The following SEMA3D variants were observed in gnomAD, a reference collection of about 807,000 sequenced individuals.
The protein encoded by SEMA3D is semaphorin-3D.
SEMA3D carries 84 observed loss-of-function variants against 100.1 expected under a neutral mutation model. The observed-to-expected ratio is 0.84, with a 90% CI of 0.70 to 1.01. SEMA3D has a LOEUF of 1.01. Among genes scored for constraint, SEMA3D ranks in the 50% least tolerant of loss-of-function variants. The pLI, the probability that SEMA3D is intolerant of heterozygous loss-of-function variation, is 0.00. For missense variants in SEMA3D, 875 were observed against 934.1 expected (o/e 0.94, Z 0.82); for synonymous variants, 312 against 320.7 (o/e 0.97, Z 0.29).
chr7:85,140,566 C>T lies in SEMA3D; in HGVS notation c.-41+13042G>A, dbSNP rs974802180. 1.1e-5 allele frequency: 11 copies of T among 974,060 alleles called. No homozygotes were observed. In the African/African-American group the frequency reaches 1.9e-4, roughly 17 times the overall value. The allele number at this position is 974,060 out of a possible 1,614,324, so 60.3% of individuals were successfully genotyped here. On this transcript the variant is annotated intron_variant, in intron 2 of 18. Coordinates refer to ENST00000284136, the MANE Select transcript of SEMA3D (RefSeq NM_001384900.1). ...CAAATTTCTGTCCAACATTTTATAG[C>T]AGAGTTTTATCTATATCTATATCTA...
chr7:85,018,292 T>G lies in SEMA3D; in HGVS notation c.1505A>C (p.His502Pro). The G allele has an allele frequency of 6.3e-7, 1 of 1,586,796 alleles. No homozygotes were observed. The highest frequency in any genetic ancestry group is 8.6e-7 in the Non-Finnish European group (1 of 1,156,792). ...VVLEELQIFK[H>P]SSIILNMELS... is the part of the protein sequence containing the mutation. ...TTCCATGTTCAAGATGATTGATGAG[T>G]GCTGAAAATAGAAGTTAAATGTCAA... Residue 502 changes from histidine (H) to proline (P), a missense_variant and splice_region_variant, in exon 15 of 19, where the codon CAC becomes CCC. Coordinates refer to ENST00000284136, the MANE Select transcript of SEMA3D (RefSeq NM_001384900.1).
rs370505818 is a variant in SEMA3D at position 85,087,382 on chromosome 7, A to G, written c.313-5803T>C. Among the ~76,000 whole-genome samples, 14 of 152,344 alleles carry G rather than the reference A, an allele frequency of 9.2e-5. No homozygotes were observed. The East Asian group carries it at 2.1e-3, about 23-fold the overall frequency. ...TGGTCTTTGGGACCTTAGAGCCTTG[A>G]TATCAAGGACTGCAAATATGCAGAG... On this transcript the variant is annotated intron_variant, in intron 4 of 18. Coordinates refer to ENST00000284136, the MANE Select transcript of SEMA3D (RefSeq NM_001384900.1).
the SEMA3D span, among the ~76,000 whole-genome samples, chr7:85,245,504 G>C: frequency 6.6e-6 from 1 of 152,122 alleles, no homozygotes. Flanking sequence ...ACTTTCCTCA[G>C]TAACATATCT....
chr7:85,103,358 A>T lies in SEMA3D; in HGVS notation c.152-5393T>A, dbSNP rs548463902. On this transcript the variant is annotated intron_variant, in intron 3 of 18. Coordinates refer to ENST00000284136, the MANE Select transcript of SEMA3D (RefSeq NM_001384900.1). ...TTGGCAATACACTTCAGAGCTTTTTAAAAAAAATTCTAAACTGGAAATTCT... is the reference window on the plus strand; with the variant it reads ...TTGGCAATACACTTCAGAGCTTTTTTAAAAAAATTCTAAACTGGAAATTCT... Among the ~76,000 whole-genome samples, 312 of 152,060 alleles carry T rather than the reference A, an allele frequency of 2.1e-3. 1 individual carries two copies. The highest frequency in any genetic ancestry group is 4.6e-3 in the African/African-American group (191 of 41,510).
the SEMA3D span, among the ~76,000 whole-genome samples, chr7:85,249,374 G>T: frequency 4.8e-4 from 73 of 152,254 alleles, 1 homozygote; most frequent in Non-Finnish European, 8.2e-4. Flanking sequence ...AGGTAATATG[G>T]TATCATGCAT....
At chr7:85,029,673 C>A in intron 12 of SEMA3D, 1 of 394,662 alleles carries the variant, frequency 2.5e-6, no homozygotes. Flanking sequence ...TTTTCAGGGC[C>A]CACCACTGAA....
chr7:85,101,872 G>A (rs1046808013), intron 3 of SEMA3D, among the ~76,000 whole-genome samples: 1 of 151,864 alleles, frequency 6.6e-6, no homozygotes, highest in African/African-American at 2.4e-5. Flanking sequence ...TATTTAAAAA[G>A]CATGTATCTT....
At chr7:85,203,796 G>C in the SEMA3D span, among the ~76,000 whole-genome samples, 1 of 151,686 alleles carries the variant, frequency 6.6e-6, no homozygotes, top group South Asian at 2.1e-4. Context: ...TTGAGCTAGA[G>C]AAATACAGGG....
the SEMA3D span, among the ~76,000 whole-genome samples, chr7:85,221,437 T>G: frequency 6.6e-6 from 1 of 152,146 alleles, no homozygotes; most frequent in African/African-American, 2.4e-5. Flanking sequence ...TACTGACCAG[T>G]GTTCAAATCC....
Position 85,055,815 on chromosome 7 carries a change from G to C in SEMA3D, c.763C>G (p.Pro255Ala). 1.3e-6 allele frequency: 2 copies of C among 1,575,996 alleles called. No homozygotes were observed. Among genetic ancestry groups the C allele is most frequent in the Non-Finnish European group, 1.7e-6 (2 of 1,150,020 alleles). ...GTFFIPDTYNPDDDKIYFFFR... is the reference protein window; with the variant it reads ...GTFFIPDTYNADDDKIYFFFR... ...AAGAAATATATTTTATCATCATCTGGATTGTAGGTGTCTGGTATGAAGAAA... is the reference window on the plus strand; with the variant it reads ...AAGAAATATATTTTATCATCATCTGCATTGTAGGTGTCTGGTATGAAGAAA... The change falls in exon 9 of 19, where the codon CCA (proline) becomes GCA (alanine). Residue 255 changes from proline to alanine, a missense_variant. Physicochemically the swap from Pro to Ala is conservative, Grantham distance 27. Coordinates refer to ENST00000284136, the MANE Select transcript of SEMA3D (RefSeq NM_001384900.1).
intron 2 of SEMA3D, chr7:85,144,699 T>C (rs1790151844): frequency 6.1e-6 from 6 of 984,836 alleles, no homozygotes; most frequent in Non-Finnish European, 1.2e-6. Flanking sequence ...GCTGTGTTTG[T>C]TCTTATTTGT....
At chr7:85,236,199 A>AAAT in the SEMA3D span, among the ~76,000 whole-genome samples, 1 of 151,998 alleles carries the variant, frequency 6.6e-6, no homozygotes, top group African/African-American at 2.4e-5. Context: ...CTGCAACCCA[A>AAAT]GAACTCCTTT....
chr7:85,186,364 T>C (rs1319049225), intron 1 of SEMA3D, among the ~76,000 whole-genome samples: 6 of 152,082 alleles, frequency 3.9e-5, no homozygotes, highest in Non-Finnish European at 2.9e-5. Flanking sequence ...TGGACGCGTC[T>C]CAGGAGGAAA....
At chr7:85,145,630 CA>C (rs951572195) in intron 2 of SEMA3D, among the ~76,000 whole-genome samples, 32 of 149,410 alleles carry the variant, frequency 2.1e-4, no homozygotes, top group Non-Finnish European at 2.7e-4. Flanking sequence ...TACAAAAAGC[CA>C]AAAAAAAATC....
intron 1 of SEMA3D, among the ~76,000 whole-genome samples, chr7:85,161,718 G>A (rs879517685): frequency 3.3e-5 from 5 of 151,994 alleles, no homozygotes; most frequent in Admixed American, 6.6e-5. Flanking sequence ...TTTTTTCTAT[G>A]AATCACTCTG....
At chr7:85,017,174 T>C (rs1442041498) in intron 15 of SEMA3D, among the ~76,000 whole-genome samples, 1 of 151,722 alleles carries the variant, frequency 6.6e-6, no homozygotes, top group East Asian at 2.0e-4. Context: ...CCATTCTCCT[T>C]TTAATATATC....
chr7:85,009,080 G>C (rs760922056), intron 17 of SEMA3D, among the ~76,000 whole-genome samples: 1 of 151,582 alleles, frequency 6.6e-6, no homozygotes, highest in African/African-American at 2.4e-5. Context: ...GTTCTATCAT[G>C]ACCTAAATTT....
intron 2 of SEMA3D, among the ~76,000 whole-genome samples, chr7:85,132,988 G>C (rs768586126): frequency 2.6e-5 from 4 of 151,854 alleles, no homozygotes; most frequent in Non-Finnish European, 5.9e-5. Flanking sequence ...CAGTGCATAC[G>C]CAATATGTAT....
chr7:85,046,200 C>A (rs1237202187), intron 9 of SEMA3D, among the ~76,000 whole-genome samples: 1 of 151,816 alleles, frequency 6.6e-6, no homozygotes. Flanking sequence ...TAAAAATGAG[C>A]AATCGTATCC....
Sources: allele counts gnomAD v4.1 joint callset (sites outside exome capture counted in the v4.1 genomes callset), GRCh38; gene constraint gnomAD v4.1.1; transcripts MANE v1.5; gene names NCBI Gene and HGNC (gene_info 2026-07-23, HGNC 2026-07-21).